Variants in ARB2A observed in about 807,000 individuals in gnomAD.
The protein encoded by ARB2A is cotranscriptional regulator ARB2A.
chr5:93,761,719 A>G, the ARB2A span, among the ~76,000 whole-genome samples: 1 of 152,212 alleles, frequency 6.6e-6, no homozygotes, highest in Admixed American at 6.5e-5. Flanking sequence ...TGGTTCTCCC[A>G]GCATGCAGCT....
chr5:93,951,865 A>C, the ARB2A span, among the ~76,000 whole-genome samples: 11 of 152,246 alleles, frequency 7.2e-5, no homozygotes, highest in African/African-American at 2.7e-4. Flanking sequence ...AGAAAAAGAA[A>C]AAGATTTCCT....
At chr5:93,770,763 T>A in the ARB2A span, among the ~76,000 whole-genome samples, 2 of 152,170 alleles carry the variant, frequency 1.3e-5, no homozygotes, top group Admixed American at 6.5e-5. Flanking sequence ...GAAGGACCTC[T>A]TCAAGGAGAA....
the ARB2A span, chr5:93,881,683 T>C: frequency 3.3e-6 from 5 of 1,516,350 alleles, no homozygotes; most frequent in East Asian, 2.3e-5. Context: ...TTACTCCATA[T>C]CCTTCCTGTT....
chr5:93,908,725 G>A, the ARB2A span, among the ~76,000 whole-genome samples: 1 of 150,788 alleles, frequency 6.6e-6, no homozygotes, highest in Non-Finnish European at 1.5e-5. Flanking sequence ...AACTAATAAG[G>A]TGAGGGTATG....
the ARB2A span, among the ~76,000 whole-genome samples, chr5:94,017,642 G>C: frequency 6.6e-6 from 1 of 152,102 alleles, no homozygotes; most frequent in African/African-American, 2.4e-5. Context: ...GCCTATAAAG[G>C]TTGTTACTCT....
the ARB2A span, among the ~76,000 whole-genome samples, chr5:93,871,319 T>C: frequency 6.6e-6 from 1 of 152,204 alleles, no homozygotes; most frequent in African/African-American, 2.4e-5. Flanking sequence ...ATGACCAATG[T>C]ATGATGTTAC....
At chr5:94,027,436 A>G in the ARB2A span, among the ~76,000 whole-genome samples, 1 of 152,220 alleles carries the variant, frequency 6.6e-6, no homozygotes, top group Non-Finnish European at 1.5e-5. Flanking sequence ...TAAGTTGATC[A>G]TCAATGGACA....
At chr5:93,872,694 G>A in the ARB2A span, among the ~76,000 whole-genome samples, 3 of 151,876 alleles carry the variant, frequency 2.0e-5, no homozygotes, top group East Asian at 5.8e-4. Context: ...GAGGCGGGCG[G>A]ATCACAAGGT....
the ARB2A span, chr5:93,621,078 T>C: frequency 2.5e-6 from 4 of 1,611,728 alleles, no homozygotes; most frequent in Non-Finnish European, 3.4e-6. Context: ...GGTAAAGAAT[T>C]TGAAAATAGA....
the ARB2A span, among the ~76,000 whole-genome samples, chr5:93,709,076 A>T: frequency 6.6e-6 from 1 of 151,154 alleles, no homozygotes; most frequent in East Asian, 1.9e-4. Flanking sequence ...AATGGAATTA[A>T]TATGGACTGA....
At chr5:93,779,735 T>C in the ARB2A span, among the ~76,000 whole-genome samples, 167 of 152,200 alleles carry the variant, frequency 1.1e-3, 3 homozygotes, top group East Asian at 0.029. Flanking sequence ...AAGAGAAAAA[T>C]AGGTAATGTA....
At chr5:94,000,877 T>C in the ARB2A span, among the ~76,000 whole-genome samples, 1 of 152,112 alleles carries the variant, frequency 6.6e-6, no homozygotes, top group African/African-American at 2.4e-5. Flanking sequence ...TGAACATCCA[T>C]TTGTTCCAGC....
the ARB2A span, among the ~76,000 whole-genome samples, chr5:93,771,149 C>T: frequency 2.0e-5 from 3 of 151,872 alleles, no homozygotes; most frequent in Non-Finnish European, 4.4e-5. Flanking sequence ...GAAATAACGC[C>T]GCATATCTAC....
the ARB2A span, among the ~76,000 whole-genome samples, chr5:93,977,643 A>C: frequency 6.6e-6 from 1 of 152,290 alleles, no homozygotes; most frequent in Non-Finnish European, 1.5e-5. Context: ...ACTTACATGT[A>C]AGACCTCAAA....
At chr5:93,734,506 CATT>C in the ARB2A span, 1 of 152,118 alleles carries the variant, frequency 6.6e-6, no homozygotes, top group African/African-American at 2.4e-5. Flanking sequence ...TGTACAAAAA[CATT>C]ATTCTGCTTA....
chr5:93,780,509 T>C, the ARB2A span, among the ~76,000 whole-genome samples: 2 of 141,088 alleles, frequency 1.4e-5, no homozygotes, highest in South Asian at 4.3e-4. Flanking sequence ...CTTTGACCTT[T>C]CTTTCTCTTT....
At chr5:94,057,013 ACT>A in the ARB2A span, among the ~76,000 whole-genome samples, 1 of 152,052 alleles carries the variant, frequency 6.6e-6, no homozygotes, top group African/African-American at 2.4e-5. Context: ...AGGAGAATTC[ACT>A]CTCTCTGCCG....
At chr5:94,102,469 A>C in the ARB2A span, among the ~76,000 whole-genome samples, 1 of 152,156 alleles carries the variant, frequency 6.6e-6, no homozygotes, top group East Asian at 1.9e-4. Context: ...TCAGACAAAA[A>C]TAAAGGCAAA....
At chr5:93,998,670 G>A in the ARB2A span, among the ~76,000 whole-genome samples, 1 of 151,922 alleles carries the variant, frequency 6.6e-6, no homozygotes, top group Admixed American at 6.6e-5. Context: ...TCTAGGAAAT[G>A]CCAAGAATAG....
Sources: gnomAD v4.1 joint callset for allele counts (sites outside exome capture counted in the v4.1 genomes callset) on GRCh38, gnomAD v4.1.1 for gene constraint, MANE v1.5 for transcripts, NCBI Gene and HGNC (gene_info 2026-07-23, HGNC 2026-07-21) for gene names.